Variants in RTF2 observed in about 807,000 individuals in gnomAD.
RTF2 encodes replication termination factor 2.
A neutral mutation model predicts 38.0 loss-of-function variants in RTF2; 18 were observed. That is an observed-to-expected ratio of 0.47 (90% CI 0.33 to 0.70). The LOEUF is 0.70. Among genes scored for constraint, RTF2 ranks in the 30% least tolerant of loss-of-function variants. The probability of loss-of-function intolerance (pLI) is 0.02; values close to 1 mark genes in which losing one functional copy is unlikely to be tolerated. For synonymous variants in RTF2, 126 were observed against 137.1 expected, an observed-to-expected ratio of 0.92 and a Z score of 0.57; for missense variants, 311 against 379.6, an observed-to-expected ratio of 0.82 and a Z score of 1.50.
intron 5 of RTF2, among the ~76,000 whole-genome samples, chr20:56,491,038 T>C (rs567003634): frequency 1.2e-3 from 180 of 152,328 alleles, no homozygotes; most frequent in African/African-American, 4.1e-3. Flanking sequence ...TAACAAGCTG[T>C]GTTTTCTACT....
intron 5 of RTF2, chr20:56,495,195 T>G (rs1983434835): frequency 6.5e-7 from 1 of 1,543,880 alleles, no homozygotes; most frequent in South Asian, 1.2e-5. Flanking sequence ...TTTGTTTTTC[T>G]TTTTACCTTT....
At chr20:56,507,048 T>G (rs549484757) in intron 5 of RTF2, among the ~76,000 whole-genome samples, 6 of 152,238 alleles carry the variant, frequency 3.9e-5, no homozygotes, top group Non-Finnish European at 7.4e-5. Context: ...ACATCTGAGT[T>G]TCAAGCGATA....
At chr20:56,513,648 A>G in intron 6 of RTF2, 1 of 449,288 alleles carries the variant, frequency 2.2e-6, no homozygotes, top group Non-Finnish European at 4.1e-6. Flanking sequence ...GAGCTTTCTC[A>G]TCAGTGAAGT....
chr20:56,483,500 A>G (rs556006621), intron 4 of RTF2, among the ~76,000 whole-genome samples: 3 of 151,748 alleles, frequency 2.0e-5, no homozygotes, highest in Non-Finnish European at 2.9e-5. Context: ...GTTTTTAAAA[A>G]GATTTTTTTT....
chr20:56,495,193 T>A, intron 5 of RTF2: 1 of 1,542,716 alleles, frequency 6.5e-7, no homozygotes, highest in East Asian at 2.4e-5. Flanking sequence ...GTTTTGTTTT[T>A]CTTTTTACCT....
chr20:56,471,027 ACAGT>A lies in RTF2; in HGVS notation c.69+2265_70-2267del, dbSNP rs781732103. ...GATCGTGGTAGCCTTTGATTTATAGACAGTCAGAAGTGCAGGTGACAACTTGAAC... is the reference window on the plus strand; with the variant it reads ...GATCGTGGTAGCCTTTGATTTATAGACAGAAGTGCAGGTGACAACTTGAAC... On this transcript the variant is annotated intron_variant, in intron 1 of 8. Coordinates refer to ENST00000357348, the MANE Select transcript of RTF2 (RefSeq NM_016407.5). 2.0e-4 allele frequency: 41 copies of A among 201,490 alleles called. 1 individual carries two copies. Among genetic ancestry groups the A allele is most frequent in the Non-Finnish European group, 3.2e-4 (30 of 93,688 alleles). The allele number at this position is 201,490 out of a possible 1,614,324, so 12.5% of individuals were successfully genotyped here. A position where few individuals can be genotyped will look rare whatever the true frequency, so the allele number is the denominator to read the frequency against.
At chr20:56,490,709 C>T (rs576048067) in intron 5 of RTF2, among the ~76,000 whole-genome samples, 9 of 152,222 alleles carry the variant, frequency 5.9e-5, no homozygotes, top group South Asian at 2.1e-4. Context: ...TCCAGCTAGT[C>T]GGCAGGCTAA....
chr20:56,474,649 A>T (rs1982145935), intron 2 of RTF2, 29 bp from the exon 3 acceptor site: 2 of 1,424,560 alleles, frequency 1.4e-6, no homozygotes, highest in Non-Finnish European at 1.9e-6. Flanking sequence ...TCGCTTGTTG[A>T]CATAATATTC....
intron 5 of RTF2, among the ~76,000 whole-genome samples, chr20:56,499,718 G>T (rs1011174206): frequency 3.2e-4 from 47 of 144,642 alleles, no homozygotes; most frequent in African/African-American, 1.0e-3. Flanking sequence ...TTTGGGTTTT[G>T]TTTTTTTTTT....
chr20:56,506,904 G>T (rs1372941231), intron 5 of RTF2, among the ~76,000 whole-genome samples: 2 of 152,106 alleles, frequency 1.3e-5, no homozygotes, highest in African/African-American at 4.8e-5. Flanking sequence ...GTTTCACCAT[G>T]TTAGCCAGGA....
intron 5 of RTF2, among the ~76,000 whole-genome samples, chr20:56,492,903 C>T (rs1245121504): frequency 6.6e-6 from 1 of 152,010 alleles, no homozygotes; most frequent in African/African-American, 2.4e-5. Context: ...CTTGGCTGGG[C>T]GCAGTGGGTG....
At chr20:56,475,964 C>T (rs1167156519) in intron 3 of RTF2, among the ~76,000 whole-genome samples, 5 of 152,228 alleles carry the variant, frequency 3.3e-5, no homozygotes, top group African/African-American at 7.2e-5. Context: ...CTCAGTGAGA[C>T]GTGCTCATTC....
At chr20:56,482,108 C>G (rs1289079484) in intron 4 of RTF2, among the ~76,000 whole-genome samples, 1 of 152,184 alleles carries the variant, frequency 6.6e-6, no homozygotes, top group African/African-American at 2.4e-5. Flanking sequence ...CTTATTTTGA[C>G]TTTGTCCATC....
In RTF2 at chr20:56,500,978, T is replaced by A. The variant is rs181411152; in HGVS notation, c.478-12337T>A. ...GGTTTTGCCACACAAGCTTTTTTTT[T>A]TAAAAAAAATCTTTTAAAAATTGAT... On this transcript the variant is annotated intron_variant, in intron 5 of 8. Transcript: ENST00000357348. Among the ~76,000 whole-genome samples, 1,079 of 151,712 alleles carry A rather than the reference T, an allele frequency of 7.1e-3. 6 individuals are homozygous for A. Among genetic ancestry groups the A allele is most frequent in the African/African-American group, 0.018 (755 of 41,354 alleles).
At chr20:56,480,927 G>T (rs1982497910) in intron 4 of RTF2, among the ~76,000 whole-genome samples, 1 of 152,210 alleles carries the variant, frequency 6.6e-6, no homozygotes, top group African/African-American at 2.4e-5. Context: ...TAGTAATCAT[G>T]AAATCATTTG....
chr20:56,513,312 C>T lies in RTF2; in HGVS notation c.478-3C>T, dbSNP rs1984810372. 3.1e-6 allele frequency: 5 copies of T among 1,591,912 alleles called. No individual in the cohort carries two copies. The South Asian group carries it at 3.4e-5, about 11-fold the overall frequency. ...TCTGCCCTCTCTTGTTTGCCCTCTC[C>T]AGTGTGGGGCTGCCTTCCAGGAGGA... On this transcript the variant is annotated splice_region_variant and splice_polypyrimidine_tract_variant and intron_variant, in intron 5 of 8. Transcript: ENST00000357348.
chr20:56,484,912 GTA>G (rs1464497909), intron 5 of RTF2, among the ~76,000 whole-genome samples: 1 of 152,038 alleles, frequency 6.6e-6, no homozygotes, highest in Non-Finnish European at 1.5e-5. Flanking sequence ...AACCCTGTTT[GTA>G]TTTCATTCCC....
chr20:56,483,111 A>G (rs1982609497), intron 4 of RTF2, among the ~76,000 whole-genome samples: 2 of 152,174 alleles, frequency 1.3e-5, no homozygotes, highest in Non-Finnish European at 2.9e-5. Flanking sequence ...ACTGAGGAAC[A>G]TGTAGGTGGC....
chr20:56,494,685 T>C (rs1190586128), intron 5 of RTF2, among the ~76,000 whole-genome samples: 5 of 152,258 alleles, frequency 3.3e-5, no homozygotes, highest in Non-Finnish European at 5.9e-5. Flanking sequence ...GCTGTGCACA[T>C]TGGCAGCAGG....
Sources: gnomAD v4.1 joint callset for allele counts (sites outside exome capture counted in the v4.1 genomes callset) on GRCh38, gnomAD v4.1.1 for gene constraint, MANE v1.5 for transcripts, NCBI Gene and HGNC (gene_info 2026-07-23, HGNC 2026-07-21) for gene names.